The following ARHGAP6 variants were observed in gnomAD, a reference collection of about 807,000 sequenced individuals.
ARHGAP6 encodes the protein rho GTPase-activating protein 6.
A neutral mutation model predicts 55.7 loss-of-function variants in ARHGAP6; 16 were observed. The ratio of observed to expected loss-of-function variants is 0.29; its 90% CI spans 0.19 to 0.44. The LOEUF (loss-of-function observed/expected upper bound fraction) is 0.44. Ranked by LOEUF, ARHGAP6 falls within the 20% of genes least tolerant of loss-of-function variation. The pLI, the probability that ARHGAP6 is intolerant of heterozygous loss-of-function variation, is 1.00. For synonymous variants in ARHGAP6, 382 were observed against 360.9 expected (o/e 1.06, Z -0.66); for missense variants, 698 against 808.9 (o/e 0.86, Z 1.66).
At chrX:11,385,189 T>C (rs2049313936) in intron 1 of ARHGAP6, among the ~76,000 whole-genome samples, 1 of 111,308 alleles carries the variant, frequency 9.0e-6, no homozygotes, top group Non-Finnish European at 1.9e-5. Flanking sequence ...ACCCCCAATT[T>C]ATAAATTTGA....
At chrX:11,216,704 T>C (rs1240629653) in intron 2 of ARHGAP6, among the ~76,000 whole-genome samples, 7 of 100,455 alleles carry the variant, frequency 7.0e-5, no homozygotes, top group African/African-American at 2.4e-4. Flanking sequence ...TGTTAAAATT[T>C]TGATGTAACT....
intron 1 of ARHGAP6, among the ~76,000 whole-genome samples, chrX:11,487,815 C>T (rs1473345350): frequency 9.0e-6 from 1 of 111,030 alleles, no homozygotes. Flanking sequence ...AATTGTTTTC[C>T]CTGTAATGGA....
chrX:11,351,565 G>T, intron 1 of ARHGAP6: 1 of 753,841 alleles, frequency 1.3e-6, no homozygotes, highest in Non-Finnish European at 1.6e-6. Flanking sequence ...CATGGGCCTT[G>T]TACCGCCTCA....
chrX:11,444,652 A>G (rs1306495552), intron 1 of ARHGAP6, among the ~76,000 whole-genome samples: 1 of 112,255 alleles, frequency 8.9e-6, no homozygotes, highest in South Asian at 3.8e-4. Flanking sequence ...GTGGTCCCAC[A>G]TGATTATCTT....
At chrX:11,422,257 T>C (rs2049831288) in intron 1 of ARHGAP6, among the ~76,000 whole-genome samples, 3 of 99,443 alleles carry the variant, frequency 3.0e-5, no homozygotes, top group Admixed American at 2.2e-4. Context: ...TTGAAGGATG[T>C]AAAAAAAAAA....
chrX:11,575,824 C>T (rs2051589960), intron 1 of ARHGAP6, among the ~76,000 whole-genome samples: 1 of 111,983 alleles, frequency 8.9e-6, no homozygotes, highest in South Asian at 3.7e-4. Context: ...AGAGAAAGAG[C>T]TTGGGACATT....
chrX:11,300,661 T>A, intron 1 of ARHGAP6: 1 of 1,137,241 alleles, frequency 8.8e-7, no homozygotes, highest in Non-Finnish European at 1.2e-6. Context: ...CTTTCAGGAG[T>A]GACACAAGAA....
chrX:11,608,947 CATGGCTAACCACCTATGGGGCACCAGGA>C, intron 1 of ARHGAP6, among the ~76,000 whole-genome samples: 1 of 111,760 alleles, frequency 8.9e-6, no homozygotes, highest in East Asian at 2.8e-4. Flanking sequence ...CCACCTAAGG[CATGGCTAACCACCTATGGGGCACCAGGA>C]ATGGCAGATT....
intron 1 of ARHGAP6, among the ~76,000 whole-genome samples, chrX:11,527,013 T>A (rs1454810493): frequency 2.5e-4 from 15 of 60,175 alleles, no homozygotes; most frequent in Middle Eastern, 9.7e-3. Context: ...ATATGAGGAG[T>A]GTGTGTGTGT....
chrX:11,290,749 T>C (rs186498436), intron 1 of ARHGAP6, among the ~76,000 whole-genome samples: 35 of 111,637 alleles, frequency 3.1e-4, no homozygotes, highest in African/African-American at 1.1e-3. Flanking sequence ...CCGAGTGCTG[T>C]TGAAACCCAG....
At chrX:11,492,497 C>T (rs59203900) in intron 1 of ARHGAP6, among the ~76,000 whole-genome samples, 12,017 of 111,244 alleles carry the variant, frequency 0.11, 622 homozygotes, top group African/African-American at 0.18. Context: ...AAGTCCTATA[C>T]GTGCTGAGCA....
chrX:11,421,415 G>A (rs1271638412), intron 1 of ARHGAP6, among the ~76,000 whole-genome samples: 9 of 111,758 alleles, frequency 8.1e-5, no homozygotes, highest in Non-Finnish European at 1.7e-4. Context: ...ACCCCTGCCA[G>A]TTATGATAAC....
intron 1 of ARHGAP6, among the ~76,000 whole-genome samples, chrX:11,474,223 C>A (rs939029845): frequency 8.9e-5 from 10 of 111,834 alleles, no homozygotes; most frequent in Non-Finnish European, 1.7e-4. Flanking sequence ...TCACACCACA[C>A]CACAGCTGAG....
At chrX:11,641,358 G>T (rs2052472693) in intron 1 of ARHGAP6, among the ~76,000 whole-genome samples, 1 of 111,536 alleles carries the variant, frequency 9.0e-6, no homozygotes, top group African/African-American at 3.3e-5. Flanking sequence ...TGGCCCAAAT[G>T]GGAGAAAATG....
chrX:11,422,931 T>A (rs753277798), intron 1 of ARHGAP6, among the ~76,000 whole-genome samples: 14 of 111,379 alleles, frequency 1.3e-4, no homozygotes, highest in Middle Eastern at 4.6e-3. Flanking sequence ...AGAGGCCTCA[T>A]CCAGGAAAAT....
At chrX:11,508,078 A>G (rs1338574090) in intron 1 of ARHGAP6, among the ~76,000 whole-genome samples, 1 of 112,317 alleles carries the variant, frequency 8.9e-6, no homozygotes, top group African/African-American at 3.2e-5. Context: ...CAGGGTGTTT[A>G]CCTAGCATGG....
At chrX:11,497,559 TTCTCTC>T (rs34138329) in intron 1 of ARHGAP6, among the ~76,000 whole-genome samples, 81 of 41,139 alleles carry the variant, frequency 2.0e-3, no homozygotes, top group African/African-American at 6.4e-3. Context: ...CCCTCCCTCC[TTCTCTC>T]TCTCTCTCTC....
intron 1 of ARHGAP6, among the ~76,000 whole-genome samples, chrX:11,474,467 G>T (rs1031173802): frequency 2.7e-5 from 3 of 112,504 alleles, no homozygotes; most frequent in Admixed American, 9.4e-5. Context: ...GACAGCAAGA[G>T]AAATGTTTTG....
intron 1 of ARHGAP6, among the ~76,000 whole-genome samples, chrX:11,364,984 A>G (rs2049057621): frequency 9.0e-6 from 1 of 111,470 alleles, no homozygotes; most frequent in Non-Finnish European, 1.9e-5. Context: ...AGTGAAAGGA[A>G]GGTGGGGGAA....
Sources: allele counts gnomAD v4.1 joint callset (sites outside exome capture counted in the v4.1 genomes callset), GRCh38; gene constraint gnomAD v4.1.1; transcripts MANE v1.5; gene names NCBI Gene and HGNC (gene_info 2026-07-23, HGNC 2026-07-21).